PGAP3: variants seen among roughly 807,000 people sequenced by gnomAD.
PGAP3 encodes GPI-specific phospholipase A2-like PGAP3.
Under a neutral mutation model 40.3 loss-of-function variants are expected in PGAP3, and 31 were observed. The ratio of observed to expected loss-of-function variants is 0.77; its 90% CI spans 0.58 to 1.04. PGAP3 has a LOEUF of 1.04. Among genes scored for constraint, PGAP3 ranks in the 50% least tolerant of loss-of-function variants. The pLI, the probability that PGAP3 is intolerant of heterozygous loss-of-function variation, is 0.00. For missense variants in PGAP3, 413 were observed against 423.0 expected, an observed-to-expected ratio of 0.98 and a Z score of 0.21; for synonymous variants, 191 against 184.5, an observed-to-expected ratio of 1.04 and a Z score of -0.29.
intron 1 of PGAP3, among the ~76,000 whole-genome samples, chr17:39,686,647 C>T (rs771737125): frequency 6.0e-5 from 9 of 149,248 alleles, no homozygotes; most frequent in Non-Finnish European, 1.0e-4. Context: ...ACAGCCTTGA[C>T]CTCCTGGGCT....
chr17:39,678,002 G>C (rs2057395391), intron 3 of PGAP3, among the ~76,000 whole-genome samples: 1 of 152,154 alleles, frequency 6.6e-6, no homozygotes, highest in Admixed American at 6.5e-5. Context: ...GGAGGCCACA[G>C]TGTCTCACCC....
At chr17:39,686,112 G>T (rs778505339) in intron 1 of PGAP3, 93 bp from the exon 2 acceptor site, 4 of 1,085,456 alleles carry the variant, frequency 3.7e-6, no homozygotes, top group Non-Finnish European at 5.4e-6. Context: ...AGGCCAAGAG[G>T]GCCTGTAAGT....
intron 5 of PGAP3, 68 bp from the exon 6 acceptor site, chr17:39,673,718 T>C: frequency 1.3e-6 from 2 of 1,589,528 alleles, no homozygotes; most frequent in Non-Finnish European, 8.6e-7. Flanking sequence ...CCCTGAAGCA[T>C]CTCCTCCCCC....
At chr17:39,678,581 G>A (rs1005394193) in intron 3 of PGAP3, among the ~76,000 whole-genome samples, 1 of 152,178 alleles carries the variant, frequency 6.6e-6, no homozygotes, top group Non-Finnish European at 1.5e-5. Flanking sequence ...CAGAGGCAAA[G>A]CTGAGGTACC....
At chr17:39,672,963 A>T in intron 7 of PGAP3, 88 bp downstream of exon 7, 1 of 1,572,600 alleles carries the variant, frequency 6.4e-7, no homozygotes, top group Non-Finnish European at 8.7e-7. Context: ...GAGGGGGCGG[A>T]TGGGCACACA....
In PGAP3 at chr17:39,673,246, T is replaced by C. The variant is rs758972250; in HGVS notation, c.704A>G (p.Asn235Ser). The C allele has an allele frequency of 3.8e-6, 6 of 1,559,616 alleles. No individual in the cohort carries two copies. The African/African-American group carries it at 5.5e-5, about 14-fold the overall frequency. Residue 235 changes from asparagine to serine, a missense_variant, in exon 7 of 8, where the codon AAC becomes AGC. Transcript: ENST00000300658. ...LVANVAIGLV[N>S]VVWWLAWCLW... ...GCACCAGGCCAGCCACCACACCACG[T>C]TGACCAGGCCTGGGTGCCAGTGGGG...
intron 3 of PGAP3, 32 bp from the exon 4 acceptor site, chr17:39,674,711 C>A: frequency 1.4e-5 from 21 of 1,537,448 alleles, no homozygotes; most frequent in Non-Finnish European, 1.8e-5. Flanking sequence ...AGCATGCTGC[C>A]CCCCACCCTG....
intron 3 of PGAP3, among the ~76,000 whole-genome samples, chr17:39,679,963 G>GTT (rs995109814): frequency 2.6e-5 from 4 of 152,130 alleles, no homozygotes; most frequent in African/African-American, 9.7e-5. Flanking sequence ...GACTTCCCCA[G>GTT]TTAGAGGACG....
intron 5 of PGAP3, 159 bp from the exon 6 acceptor site, chr17:39,673,809 C>G: frequency 8.1e-7 from 1 of 1,229,756 alleles, no homozygotes; most frequent in East Asian, 2.5e-5. Context: ...TGCTACAGCT[C>G]CTTGTCAGGA....
intron 3 of PGAP3, among the ~76,000 whole-genome samples, chr17:39,680,611 C>T (rs1031830341): frequency 3.3e-5 from 5 of 152,156 alleles, no homozygotes; most frequent in African/African-American, 4.8e-5. Flanking sequence ...TCAGTTCTCA[C>T]GTGTACAATT....
chr17:39,681,765 C>T (rs1384515808), intron 3 of PGAP3, among the ~76,000 whole-genome samples: 7 of 152,110 alleles, frequency 4.6e-5, no homozygotes, highest in South Asian at 4.2e-4. Context: ...GCCTTGGCCT[C>T]CCAAAGTGCT....
chr17:39,675,823 T>G (rs2057369133), intron 3 of PGAP3, among the ~76,000 whole-genome samples: 3 of 152,056 alleles, frequency 2.0e-5, no homozygotes, highest in Non-Finnish European at 4.4e-5. Context: ...GGTGCCAAGC[T>G]CTGGAAGGCG....
At position 39,682,819 on chromosome 17, in the gene PGAP3, C is replaced by T. The variant is rs1045070563; in HGVS notation, c.432+1778G>A. Among the ~76,000 whole-genome samples the T allele has an allele frequency of 3.4e-4, 52 of 152,106 alleles. 2 individuals are homozygous for T. Among genetic ancestry groups the T allele is most frequent in the African/African-American group, 9.7e-4 (40 of 41,408 alleles). ...GTAGGCCGAGCACGGTGGCTGATGC[C>T]TGTAATCCCAGCACTTTGGGAGGGT... On this transcript the variant is annotated intron_variant, in intron 3 of 7. Transcript: ENST00000300658.
intron 3 of PGAP3, among the ~76,000 whole-genome samples, chr17:39,676,948 G>A (rs2057382669): frequency 6.6e-6 from 1 of 152,170 alleles, no homozygotes; most frequent in African/African-American, 2.4e-5. Context: ...GCAGGCCAAG[G>A]ATGTTTAGGC....
chr17:39,679,596 C>T (rs1052752241), intron 3 of PGAP3, among the ~76,000 whole-genome samples: 18 of 152,180 alleles, frequency 1.2e-4, no homozygotes, highest in South Asian at 2.1e-4. Context: ...ACAGGTGTAA[C>T]GTCCTCAGCT....
In PGAP3 at chr17:39,673,551, G is replaced by C. The variant is rs372234504; in HGVS notation, c.657C>G (p.Phe219Leu). ...TGGCCACCAGGTTGTAGCCATAGTC[G>C]AAGCGGATGAGGCTCAGGTAGGAGA... Reference protein sequence around the residue: ...VHVSYLSLIRFDYGYNLVANV... With the variant: ...VHVSYLSLIRLDYGYNLVANV... The change falls in exon 6 of 8, where the codon TTC (phenylalanine) becomes TTG (leucine). Residue 219 changes from phenylalanine (F) to leucine (L), a missense_variant. Phe to Leu is a conservative substitution (Grantham distance 22). Transcript: ENST00000300658. 1.2e-6 allele frequency: 2 copies of C among 1,614,020 alleles called. No individual in the cohort carries two copies. Among genetic ancestry groups the C allele is most frequent in the African/African-American group, 2.7e-5 (2 of 74,906 alleles).
chr17:39,684,497 G>A (rs1294009008), intron 3 of PGAP3, 100 bp downstream of exon 3: 5 of 1,366,396 alleles, frequency 3.7e-6, no homozygotes, highest in Admixed American at 5.1e-5. Flanking sequence ...GAAACAGAGG[G>A]GAAGCTGGTA....
At chr17:39,686,936 T>C (rs1358005392) in intron 1 of PGAP3, among the ~76,000 whole-genome samples, 1 of 152,212 alleles carries the variant, frequency 6.6e-6, no homozygotes, top group Non-Finnish European at 1.5e-5. Context: ...GTTCTTGCTA[T>C]CTTACTCCCT....
intron 3 of PGAP3, among the ~76,000 whole-genome samples, chr17:39,680,548 C>T (rs2057426983): frequency 6.6e-6 from 1 of 152,170 alleles, no homozygotes; most frequent in Non-Finnish European, 1.5e-5. Context: ...CCCCATCTAT[C>T]AGCTTTTCTA....
Sources: allele counts gnomAD v4.1 joint callset (sites outside exome capture counted in the v4.1 genomes callset), GRCh38; gene constraint gnomAD v4.1.1; transcripts MANE v1.5; gene names NCBI Gene and HGNC (gene_info 2026-07-23, HGNC 2026-07-21).